CADM2: variants seen among roughly 807,000 people sequenced by gnomAD.
CADM2 encodes the protein cell adhesion molecule 2.
Under a neutral mutation model 49.8 loss-of-function variants are expected in CADM2, and 12 were observed. That is an observed-to-expected ratio of 0.24 (90% confidence interval 0.15 to 0.39). CADM2 has a LOEUF of 0.39. Ranked by LOEUF, CADM2 falls within the 10% of genes least tolerant of loss-of-function variation. CADM2 has a pLI of 1.00. For missense variants in CADM2, 378 were observed against 492.3 expected, an observed-to-expected ratio of 0.77 and a Z score of 2.20; for synonymous variants, 214 against 175.4, an observed-to-expected ratio of 1.22 and a Z score of -1.74.
At chr3:85,191,845 C>T (rs2041216002) in intron 1 of CADM2, among the ~76,000 whole-genome samples, 1 of 151,990 alleles carries the variant, frequency 6.6e-6, no homozygotes, top group Admixed American at 6.6e-5. Flanking sequence ...TTATTCTAAA[C>T]TAATTCAAAG....
chr3:85,363,756 C>T (rs927794952), intron 1 of CADM2, among the ~76,000 whole-genome samples: 2 of 152,142 alleles, frequency 1.3e-5, no homozygotes, highest in Admixed American at 1.3e-4. Context: ...GGACTACAGG[C>T]GCCCGCCACC....
At chr3:85,149,698 G>T (rs947307799) in intron 1 of CADM2, among the ~76,000 whole-genome samples, 1 of 152,224 alleles carries the variant, frequency 6.6e-6, no homozygotes, top group Non-Finnish European at 1.5e-5. Flanking sequence ...CTGCACTCCA[G>T]CCTGGGCAAC....
intron 3 of CADM2, among the ~76,000 whole-genome samples, chr3:85,807,927 G>A (rs2108106963): frequency 6.6e-6 from 1 of 152,138 alleles, no homozygotes; most frequent in Non-Finnish European, 1.5e-5. Flanking sequence ...GCTTTCAGGG[G>A]GACATTGTGG....
intron 1 of CADM2, among the ~76,000 whole-genome samples, chr3:84,990,838 A>G (rs1377363829): frequency 6.6e-6 from 1 of 152,092 alleles, no homozygotes. Context: ...TCTTATTCCT[A>G]TTTTCTAAGA....
At chr3:85,465,950 G>C (rs745636070) in intron 1 of CADM2, among the ~76,000 whole-genome samples, 1 of 152,124 alleles carries the variant, frequency 6.6e-6, no homozygotes, top group Non-Finnish European at 1.5e-5. Context: ...TGAAGTGCTT[G>C]CATTTATTTG....
intron 1 of CADM2, among the ~76,000 whole-genome samples, chr3:85,567,911 G>A (rs1412743445): frequency 6.6e-6 from 1 of 152,190 alleles, no homozygotes; most frequent in Non-Finnish European, 1.5e-5. Flanking sequence ...AAGCCTGGAA[G>A]TCTAATGTGG....
At chr3:85,491,914 T>C (rs2039691486) in intron 1 of CADM2, among the ~76,000 whole-genome samples, 1 of 148,570 alleles carries the variant, frequency 6.7e-6, no homozygotes, top group Admixed American at 6.8e-5. Context: ...ATCGCGCCAC[T>C]GCACTCCAGC....
chr3:86,032,647 C>T (rs181398529), intron 8 of CADM2, among the ~76,000 whole-genome samples: 9 of 151,714 alleles, frequency 5.9e-5, no homozygotes, highest in Admixed American at 3.3e-4. Context: ...TTAGATAATT[C>T]GGATATGACC....
chr3:85,907,185 G>A (rs934591573), intron 5 of CADM2, among the ~76,000 whole-genome samples: 1 of 152,122 alleles, frequency 6.6e-6, no homozygotes, highest in Non-Finnish European at 1.5e-5. Flanking sequence ...CTAGCTCACT[G>A]GTTATGGCAC....
chr3:85,829,611 A>G (rs1284931703), intron 3 of CADM2, among the ~76,000 whole-genome samples: 2 of 151,934 alleles, frequency 1.3e-5, no homozygotes, highest in East Asian at 3.9e-4. Context: ...TGTACCTTGG[A>G]TCCCCAGACC....
chr3:85,920,918 T>C (rs984923791), intron 6 of CADM2, among the ~76,000 whole-genome samples: 1 of 151,612 alleles, frequency 6.6e-6, no homozygotes, highest in Non-Finnish European at 1.5e-5. Flanking sequence ...ATTAAGCTTA[T>C]CATCAAGTAC....
intron 8 of CADM2, chr3:85,979,081 T>C: frequency 1.4e-6 from 2 of 1,459,996 alleles, no homozygotes; most frequent in Non-Finnish European, 9.4e-7. Context: ...CAATAAGTTA[T>C]ATGTATTTAT....
At chr3:85,281,033 CA>C (rs2043486983) in intron 1 of CADM2, among the ~76,000 whole-genome samples, 1 of 151,776 alleles carries the variant, frequency 6.6e-6, no homozygotes, top group South Asian at 2.1e-4. Context: ...TAAATAATCT[CA>C]ACATCTAGGA....
chr3:85,674,393 G>A (rs918595114), intron 1 of CADM2, among the ~76,000 whole-genome samples: 1 of 152,016 alleles, frequency 6.6e-6, no homozygotes, highest in Admixed American at 6.6e-5. Context: ...GATTTATTTG[G>A]TTTTAAATTT....
intron 1 of CADM2, among the ~76,000 whole-genome samples, chr3:85,582,462 C>T (rs754337610): frequency 1.4e-4 from 21 of 152,194 alleles, no homozygotes; most frequent in Non-Finnish European, 2.4e-4. Context: ...TCTTAGTTAG[C>T]GCAGGCTGCC....
intron 1 of CADM2, among the ~76,000 whole-genome samples, chr3:85,132,314 A>G (rs2107611491): frequency 6.6e-6 from 1 of 152,280 alleles, no homozygotes; most frequent in Middle Eastern, 3.4e-3. Flanking sequence ...GAAACCTTTA[A>G]CTGGCCTTAT....
rs1221035876 is a variant in CADM2, at chr3:85,257,715, C to T, written c.61+298047C>T. 2.0e-5 allele frequency among the ~76,000 whole-genome samples: 3 copies of T among 152,128 alleles called. No homozygotes were observed. In the East Asian group the frequency reaches 5.8e-4, roughly 29 times the overall value. Reference sequence around the variant, plus strand: ...AATTATATGGTACCCGTGGCTGTCTCTTCTTCACTGGTGATATCTCAAGGA... The same window carrying T: ...AATTATATGGTACCCGTGGCTGTCTTTTCTTCACTGGTGATATCTCAAGGA... On this transcript the variant is annotated intron_variant, in intron 1 of 9. Transcript: ENST00000383699.
At chr3:85,525,604 T>C (rs578225318) in intron 1 of CADM2, among the ~76,000 whole-genome samples, 1 of 152,310 alleles carries the variant, frequency 6.6e-6, no homozygotes, top group Non-Finnish European at 1.5e-5. Flanking sequence ...GTGATAATCA[T>C]TGTCTCTTAA....
At chr3:85,843,533 A>T (rs1487117254) in intron 3 of CADM2, among the ~76,000 whole-genome samples, 1 of 152,054 alleles carries the variant, frequency 6.6e-6, no homozygotes, top group Non-Finnish European at 1.5e-5. Flanking sequence ...GTGGAATACA[A>T]ATTTTTTCTC....
Sources: allele counts gnomAD v4.1 joint callset (sites outside exome capture counted in the v4.1 genomes callset), GRCh38; gene constraint gnomAD v4.1.1; transcripts MANE v1.5; gene names NCBI Gene and HGNC (gene_info 2026-07-23, HGNC 2026-07-21).